Variants in EDARADD observed in about 807,000 individuals in gnomAD.
The protein encoded by EDARADD is ectodysplasin-A receptor-associated adapter protein.
Under a neutral mutation model 25.6 loss-of-function variants are expected in EDARADD, and 20 were observed. That is an observed-to-expected ratio of 0.78 (90% confidence interval 0.55 to 1.14). EDARADD has a LOEUF of 1.14. Ranked by LOEUF, EDARADD falls within the 50% of genes most tolerant of loss-of-function variation. The pLI, the probability that EDARADD is intolerant of heterozygous loss-of-function variation, is 0.00. For missense variants in EDARADD, 225 were observed against 270.1 expected (o/e 0.83, Z 1.17); for synonymous variants, 86 against 94.4 (o/e 0.91, Z 0.52).
intron 4 of EDARADD, among the ~76,000 whole-genome samples, chr1:236,458,639 T>C (rs1558131686): frequency 7.0e-6 from 1 of 142,506 alleles, no homozygotes; most frequent in Non-Finnish European, 1.5e-5. Flanking sequence ...TTTTTTCTTT[T>C]TCTTTTTTTT....
intron 4 of EDARADD, among the ~76,000 whole-genome samples, chr1:236,462,191 C>G (rs947067476): frequency 2.0e-5 from 3 of 152,156 alleles, no homozygotes; most frequent in African/African-American, 7.2e-5. Context: ...CATGTCAGCT[C>G]AGGTTGACTG....
chr1:236,456,258 C>A (rs1045688600), intron 4 of EDARADD, among the ~76,000 whole-genome samples: 1 of 152,216 alleles, frequency 6.6e-6, no homozygotes, highest in Non-Finnish European at 1.5e-5. Flanking sequence ...ACTCCTCCAT[C>A]TCCCTGATTC....
intron 4 of EDARADD, among the ~76,000 whole-genome samples, chr1:236,433,731 G>A (rs997089013): frequency 6.6e-6 from 1 of 151,818 alleles, no homozygotes. Context: ...TTAGCCAGGC[G>A]TGGTGGTGGG....
rs553711165 is a variant in EDARADD at position 236,385,299 on chromosome 1, C to T, written c.-5-23917C>T. ...TGGTGGGTGCCTGTAGTCCCAGCTA[C>T]TCGGGAGGCTGAGGCAGGAGAATGG... On this transcript the variant is annotated intron_variant, in intron 3 of 7. Coordinates refer to the EDARADD transcript ENST00000439430. 6.0e-5 allele frequency among the ~76,000 whole-genome samples: 9 copies of T among 150,948 alleles called. No individual in the cohort carries two copies. In the South Asian group the frequency reaches 1.7e-3, roughly 28 times the overall value.
chr1:236,446,172 T>G (rs1658532129), intron 4 of EDARADD, among the ~76,000 whole-genome samples: 1 of 152,208 alleles, frequency 6.6e-6, no homozygotes, highest in Non-Finnish European at 1.5e-5. Flanking sequence ...CTTGAGTCCC[T>G]AAGGACCTTC....
chr1:236,391,401 A>G (rs1667424565), upstream of EDARADD, among the ~76,000 whole-genome samples: 1 of 152,232 alleles, frequency 6.6e-6, no homozygotes, highest in African/African-American at 2.4e-5. Flanking sequence ...ATGCAGAGAC[A>G]TGGAAACTTA....
At chr1:236,372,103 T>C (rs984592929) in intron 3 of EDARADD, among the ~76,000 whole-genome samples, 1 of 151,718 alleles carries the variant, frequency 6.6e-6, no homozygotes, top group African/African-American at 2.4e-5. Flanking sequence ...ACTACAGGTG[T>C]GTGCCATCAC....
chr1:236,415,874 T>C (rs56985971), intron 3 of EDARADD, among the ~76,000 whole-genome samples: 6,543 of 152,116 alleles, frequency 0.043, 365 homozygotes, highest in African/African-American at 0.13. Flanking sequence ...ATCTGACTAG[T>C]TTCAGAGATG....
intron 3 of EDARADD, among the ~76,000 whole-genome samples, chr1:236,425,859 G>C (rs1339850866): frequency 6.6e-6 from 1 of 152,244 alleles, no homozygotes; most frequent in African/African-American, 2.4e-5. Flanking sequence ...CGTGGTATTA[G>C]TGAAGTTGGT....
At chr1:236,448,233 A>G (rs1326554751) in intron 4 of EDARADD, among the ~76,000 whole-genome samples, 5 of 152,186 alleles carry the variant, frequency 3.3e-5, no homozygotes, top group Non-Finnish European at 5.9e-5. Flanking sequence ...GATCTTCCTT[A>G]AATGTCCTAG....
intron 4 of EDARADD, among the ~76,000 whole-genome samples, chr1:236,438,036 G>A (rs1362797533): frequency 6.6e-6 from 1 of 152,168 alleles, no homozygotes; most frequent in Non-Finnish European, 1.5e-5. Flanking sequence ...TGAGGGCTGT[G>A]AGGGAAGGAC....
Position 236,472,569 on chromosome 1 carries a change from C to T in EDARADD, c.265+4293C>T, listed in dbSNP as rs145931026. 7.3e-3 allele frequency among the ~76,000 whole-genome samples: 1,112 copies of T among 152,290 alleles called. 19 individuals carry two copies. Among genetic ancestry groups the T allele is most frequent in the African/African-American group, 0.026 (1,061 of 41,546 alleles). ...TTTGAGATGGGGTCTCGCTCTGTCA[C>T]CCAGGCTGGAGTGCAGTGGCGCAAT... On this transcript the variant is annotated intron_variant, in intron 5 of 5. Coordinates refer to ENST00000334232, the MANE Select transcript of EDARADD (RefSeq NM_145861.4).
chr1:236,399,072 G>A (rs765214481), intron 1 of EDARADD, among the ~76,000 whole-genome samples: 5 of 152,172 alleles, frequency 3.3e-5, no homozygotes, highest in Non-Finnish European at 5.9e-5. Flanking sequence ...CGAGTTAGCC[G>A]TATTAACTAA....
At chr1:236,357,042 C>T (rs757566344) in intron 3 of EDARADD, among the ~76,000 whole-genome samples, 1 of 151,112 alleles carries the variant, frequency 6.6e-6, no homozygotes, top group African/African-American at 2.4e-5. Context: ...CAAGATTGCG[C>T]CACTGCACTC....
intron 5 of EDARADD, among the ~76,000 whole-genome samples, chr1:236,476,280 A>G (rs1659502178): frequency 6.6e-6 from 1 of 152,168 alleles, no homozygotes; most frequent in African/African-American, 2.4e-5. Flanking sequence ...TGACGATAAC[A>G]TTGCCAACAC....
chr1:236,389,320 C>G (rs192166041), upstream of EDARADD, among the ~76,000 whole-genome samples: 127 of 152,290 alleles, frequency 8.3e-4, no homozygotes, highest in African/African-American at 3.0e-3. Flanking sequence ...ACCTACCACT[C>G]CCCACCCAGG....
At chr1:236,392,721 A>T (rs2102999202), upstream of EDARADD, among the ~76,000 whole-genome samples, 1 of 152,018 alleles carries the variant, frequency 6.6e-6, no homozygotes, top group East Asian at 1.9e-4. Flanking sequence ...CCCAGGCTGG[A>T]GTGCAGTGGC....
At chr1:236,437,747 T>C (rs1658297268) in intron 4 of EDARADD, among the ~76,000 whole-genome samples, 1 of 145,120 alleles carries the variant, frequency 6.9e-6, no homozygotes, top group Non-Finnish European at 1.5e-5. Flanking sequence ...TTCCTTCTTT[T>C]TTTTTTTTTT....
chr1:236,453,978 T>C (rs968912552), intron 4 of EDARADD, among the ~76,000 whole-genome samples: 1 of 152,210 alleles, frequency 6.6e-6, no homozygotes, highest in Non-Finnish European at 1.5e-5. Flanking sequence ...ACTAGTTTTA[T>C]CTTGTTTCCT....
Sources: gnomAD v4.1 joint callset for allele counts (sites outside exome capture counted in the v4.1 genomes callset) on GRCh38, gnomAD v4.1.1 for gene constraint, MANE v1.5 for transcripts, NCBI Gene and HGNC (gene_info 2026-07-23, HGNC 2026-07-21) for gene names.